The following RUNX1T1 variants were observed in gnomAD, a reference collection of about 807,000 sequenced individuals.
RUNX1T1 encodes protein CBFA2T1.
In RUNX1T1, 4 loss-of-function variants were observed where a neutral mutation model predicts 62.8. The observed-to-expected ratio is 0.06, with a 90% CI of 0.03 to 0.15. RUNX1T1 has a LOEUF of 0.15. Ranked by LOEUF, RUNX1T1 falls within the 10% of genes least tolerant of loss-of-function variation. RUNX1T1 has a pLI of 1.00. For synonymous variants in RUNX1T1, 291 were observed against 286.0 expected, an observed-to-expected ratio of 1.02 and a Z score of -0.18; for missense variants, 508 against 754.3, an observed-to-expected ratio of 0.67 and a Z score of 3.82.
upstream of RUNX1T1, chr8:92,063,039 C>CGG: frequency 1.1e-6 from 1 of 885,254 alleles, no homozygotes; most frequent in Non-Finnish European, 1.4e-6. Context: ...CCCCTACCAC[C>CGG]CCTCACAATA....
chr8:92,094,418 A>C (rs1482327456), intron 1 of RUNX1T1, among the ~76,000 whole-genome samples: 1 of 152,164 alleles, frequency 6.6e-6, no homozygotes, highest in Non-Finnish European at 1.5e-5. Context: ...TCCTTTTTTT[A>C]AACTAGCTCC....
intron 8 of RUNX1T1, among the ~76,000 whole-genome samples, chr8:91,982,352 G>A (rs1287342123): frequency 6.6e-6 from 1 of 151,876 alleles, no homozygotes; most frequent in African/African-American, 2.4e-5. Context: ...TCAAAAGCCA[G>A]TAAAAAGGAA....
At chr8:91,977,195 C>G (rs1022046745) in intron 8 of RUNX1T1, 15 of 197,518 alleles carry the variant, frequency 7.6e-5, no homozygotes, top group Admixed American at 4.2e-4. Context: ...ATTTTCTCAA[C>G]TATTCTGAAT....
chr8:92,049,126 C>T (rs1164018946), intron 1 of RUNX1T1, among the ~76,000 whole-genome samples: 2 of 152,098 alleles, frequency 1.3e-5, no homozygotes, highest in Non-Finnish European at 2.9e-5. Context: ...TCTGTATTTG[C>T]GGCATCCTGC....
intron 1 of RUNX1T1, among the ~76,000 whole-genome samples, chr8:92,034,795 TATACACAC>T (rs1393515421): frequency 2.6e-4 from 19 of 73,448 alleles, no homozygotes; most frequent in Non-Finnish European, 5.8e-4. Context: ...TATATACATA[TATACACAC>T]ACACACACAC....
intron 8 of RUNX1T1, among the ~76,000 whole-genome samples, chr8:91,982,880 G>T (rs1202031814): frequency 1.4e-5 from 2 of 144,994 alleles, no homozygotes; most frequent in Non-Finnish European, 1.5e-5. Context: ...TCAGTCAGAG[G>T]TTATTCAAAA....
upstream of RUNX1T1, chr8:92,103,229 G>A (rs1808458562): frequency 3.6e-6 from 1 of 277,530 alleles, no homozygotes; most frequent in South Asian, 1.6e-4. Flanking sequence ...AATGTGATGT[G>A]GGGCGCAGGG....
chr8:91,963,202 G>A (rs1370401544), intron 10 of RUNX1T1, among the ~76,000 whole-genome samples: 3 of 152,276 alleles, frequency 2.0e-5, no homozygotes, highest in East Asian at 3.9e-4. Context: ...TCTGATCCAG[G>A]AGTTAAGGGG....
intron 10 of RUNX1T1, among the ~76,000 whole-genome samples, chr8:91,967,124 G>A (rs562192872): frequency 5.3e-5 from 8 of 152,252 alleles, no homozygotes; most frequent in African/African-American, 1.4e-4. Flanking sequence ...TGTCAGAGCC[G>A]ATGTGAGAAG....
At chr8:91,965,886 C>T (rs538571040) in intron 10 of RUNX1T1, among the ~76,000 whole-genome samples, 1 of 152,060 alleles carries the variant, frequency 6.6e-6, no homozygotes, top group Admixed American at 6.6e-5. Context: ...CATAGACACA[C>T]TGCTCATTTG....
intron 1 of RUNX1T1, chr8:92,095,609 A>G: frequency 1.4e-6 from 2 of 1,396,224 alleles, no homozygotes; most frequent in Non-Finnish European, 1.9e-6. Context: ...AGAGGGAGGA[A>G]AAGTGGGAGA....
chr8:92,016,477 C>A (rs771375415), intron 2 of RUNX1T1, among the ~76,000 whole-genome samples: 3 of 152,132 alleles, frequency 2.0e-5, no homozygotes, highest in Non-Finnish European at 2.9e-5. Context: ...AAGTTCAAGA[C>A]CAGCCTGACC....
chr8:91,994,636 AG>A (rs1206875969), intron 5 of RUNX1T1: 1 of 501,932 alleles, frequency 2.0e-6, no homozygotes, highest in East Asian at 4.5e-5. Flanking sequence ...GTAAAATGAA[AG>A]GGTTGGACTA....
chr8:91,964,599 G>A (rs1177302208), intron 10 of RUNX1T1, among the ~76,000 whole-genome samples: 2 of 152,142 alleles, frequency 1.3e-5, no homozygotes, highest in African/African-American at 4.8e-5. Context: ...AATTTTCACA[G>A]TAAAAGGCTT....
chr8:92,073,961 G>A (rs1022668975), intron 2 of RUNX1T1, among the ~76,000 whole-genome samples: 1 of 152,158 alleles, frequency 6.6e-6, no homozygotes, highest in Non-Finnish European at 1.5e-5. Context: ...GCCCCTCAAA[G>A]TGCTGGGATT....
intron 1 of RUNX1T1, chr8:92,095,548 C>T: frequency 6.8e-7 from 1 of 1,463,206 alleles, no homozygotes; most frequent in Non-Finnish European, 9.0e-7. Context: ...ATCAGCAGGG[C>T]CCAGATGGAG....
At chr8:92,050,862 G>A (rs964897191) in intron 1 of RUNX1T1, among the ~76,000 whole-genome samples, 3 of 152,102 alleles carry the variant, frequency 2.0e-5, no homozygotes, top group Non-Finnish European at 2.9e-5. Context: ...TCTAGCAATG[G>A]ACTGGCCCCT....
At chr8:91,997,896 T>C (rs533583232) in intron 5 of RUNX1T1, among the ~76,000 whole-genome samples, 31 of 152,332 alleles carry the variant, frequency 2.0e-4, no homozygotes, top group African/African-American at 7.2e-4. Context: ...GAAGACTTAC[T>C]TTATTTTATT....
intron 10 of RUNX1T1, among the ~76,000 whole-genome samples, chr8:91,968,602 C>T (rs918425665): frequency 9.2e-5 from 14 of 152,068 alleles, no homozygotes; most frequent in Non-Finnish European, 1.3e-4. Context: ...GATTCCTCCC[C>T]AAGTCTTAAA....
Sources: allele counts gnomAD v4.1 joint callset (sites outside exome capture counted in the v4.1 genomes callset), GRCh38; gene constraint gnomAD v4.1.1; transcripts MANE v1.5; gene names NCBI Gene and HGNC (gene_info 2026-07-23, HGNC 2026-07-21).